FSIP1: variants seen among roughly 807,000 people sequenced by gnomAD.
FSIP1 encodes the protein fibrous sheath-interacting protein 1.
A neutral mutation model predicts 60.9 loss-of-function variants in FSIP1; 65 were observed. The observed-to-expected ratio is 1.07, with a 90% CI of 0.87 to 1.31. The LOEUF (loss-of-function observed/expected upper bound fraction) is 1.31, where lower values mean the gene tolerates loss of function less well. Among genes scored for constraint, FSIP1 ranks in the 40% most tolerant of loss-of-function variants. The pLI is 0.00. For synonymous variants in FSIP1, 209 were observed against 221.2 expected, an observed-to-expected ratio of 0.94 and a Z score of 0.49; for missense variants, 675 against 665.5, an observed-to-expected ratio of 1.01 and a Z score of -0.16.
chr15:39,622,582 G>C (rs1891479018), intron 10 of FSIP1, among the ~76,000 whole-genome samples: 1 of 152,172 alleles, frequency 6.6e-6, no homozygotes, highest in African/African-American at 2.4e-5. Flanking sequence ...CTCTGCTCTA[G>C]GCATAATACA....
In FSIP1 at chr15:39,769,005, C is replaced by T. The variant is rs1397097625; in HGVS notation, c.310+1422G>A. On this transcript the variant is annotated intron_variant, in intron 3 of 11. Coordinates refer to ENST00000350221, the MANE Select transcript of FSIP1 (RefSeq NM_152597.5). ...TTATAAGAAAAGTCTAAGGGCCGGG[C>T]GCGGTGGCTCACGCCTGTAATCCCA... Among the ~76,000 whole-genome samples, 6 of 152,282 alleles carry T rather than the reference C, an allele frequency of 3.9e-5. No individual in the cohort carries two copies. The East Asian group carries it at 7.7e-4, about 20-fold the overall frequency.
chr15:39,688,325 T>C (rs1215407999), intron 10 of FSIP1, among the ~76,000 whole-genome samples: 1 of 152,152 alleles, frequency 6.6e-6, no homozygotes, highest in Non-Finnish European at 1.5e-5. Flanking sequence ...CTACTGAACA[T>C]CATAGTTTAG....
intron 4 of FSIP1, among the ~76,000 whole-genome samples, 179 bp downstream of exon 4, chr15:39,765,413 T>C (rs1489539519): frequency 6.6e-6 from 1 of 151,896 alleles, no homozygotes; most frequent in East Asian, 1.9e-4. Flanking sequence ...GCTAATTTTT[T>C]AGGTTTTTTT....
At chr15:39,734,887 C>T (rs898980507) in intron 8 of FSIP1, among the ~76,000 whole-genome samples, 1 of 152,156 alleles carries the variant, frequency 6.6e-6, no homozygotes, top group East Asian at 1.9e-4. Context: ...CTACATAGTA[C>T]TTGTAAAAGA....
intron 10 of FSIP1, among the ~76,000 whole-genome samples, chr15:39,694,969 T>C (rs1894756956): frequency 6.6e-6 from 1 of 152,210 alleles, no homozygotes; most frequent in Non-Finnish European, 1.5e-5. Context: ...AGCCCATTTA[T>C]CTGCCCATAC....
At chr15:39,723,374 G>A (rs141953726) in intron 9 of FSIP1, among the ~76,000 whole-genome samples, 2,490 of 152,100 alleles carry the variant, frequency 0.016, 58 homozygotes, top group African/African-American at 0.054. Context: ...GACTACAGGC[G>A]CCTGCCACCA....
chr15:39,764,452 A>G (rs548843162), intron 4 of FSIP1, among the ~76,000 whole-genome samples: 13 of 152,306 alleles, frequency 8.5e-5, no homozygotes, highest in African/African-American at 3.1e-4. Flanking sequence ...ATTTTTAATT[A>G]CTACATTTTT....
intron 7 of FSIP1, among the ~76,000 whole-genome samples, chr15:39,738,810 G>A (rs528938093): frequency 1.3e-5 from 2 of 152,292 alleles, no homozygotes; most frequent in African/African-American, 4.8e-5. Context: ...TATGAATGTG[G>A]AGCACAAAAA....
intron 10 of FSIP1, among the ~76,000 whole-genome samples, chr15:39,701,014 T>A (rs932761598): frequency 1.3e-5 from 2 of 152,086 alleles, no homozygotes; most frequent in Non-Finnish European, 2.9e-5. Context: ...TAGCTGGGCA[T>A]GGTGGTGCGT....
intron 10 of FSIP1, among the ~76,000 whole-genome samples, chr15:39,702,167 C>T (rs1400889285): frequency 6.6e-6 from 1 of 151,946 alleles, no homozygotes; most frequent in Non-Finnish European, 1.5e-5. Flanking sequence ...CTAGTGTTTC[C>T]ACTCGGGGTT....
intron 10 of FSIP1, among the ~76,000 whole-genome samples, chr15:39,678,347 T>C (rs1434097562): frequency 6.6e-6 from 1 of 152,118 alleles, no homozygotes; most frequent in Non-Finnish European, 1.5e-5. Flanking sequence ...ATTTGATATT[T>C]AGTCTTATAA....
At chr15:39,721,236 T>A (rs1229500656) in intron 9 of FSIP1, among the ~76,000 whole-genome samples, 1 of 152,224 alleles carries the variant, frequency 6.6e-6, no homozygotes, top group Non-Finnish European at 1.5e-5. Context: ...TCATCTTAAA[T>A]CTATATGCAT....
intron 10 of FSIP1, among the ~76,000 whole-genome samples, chr15:39,628,728 G>A (rs1891748047): frequency 6.6e-6 from 1 of 152,196 alleles, no homozygotes; most frequent in African/African-American, 2.4e-5. Context: ...TTAGCAGGGG[G>A]AGGCTGACAT....
Position 39,704,645 on chromosome 15 carries a change from G to A in FSIP1, c.1188+8799C>T, listed in dbSNP as rs112450690. Among the ~76,000 whole-genome samples the A allele has an allele frequency of 4.4e-3, 674 of 152,222 alleles. 6 individuals carry two copies. Among genetic ancestry groups the A allele is most frequent in the African/African-American group, 0.016 (649 of 41,550 alleles). ...CTTTGGTTTCTAATCCATGGAACTG[G>A]CCCAATGACCTCCAAGCCCCTTTAG... On this transcript the variant is annotated intron_variant, in intron 10 of 11. Transcript: ENST00000350221.
chr15:39,696,791 A>T (rs1004153822), intron 10 of FSIP1, among the ~76,000 whole-genome samples: 2 of 152,078 alleles, frequency 1.3e-5, no homozygotes, highest in African/African-American at 4.8e-5. Flanking sequence ...GTTTGTAAAA[A>T]GACAAAAAAA....
intron 10 of FSIP1, among the ~76,000 whole-genome samples, chr15:39,635,283 T>G (rs1161867795): frequency 1.3e-5 from 2 of 151,172 alleles, no homozygotes; most frequent in African/African-American, 4.9e-5. Flanking sequence ...TGCAGTGAGC[T>G]GAGATCATGC....
chr15:39,722,005 G>T (rs1236823450), intron 9 of FSIP1, among the ~76,000 whole-genome samples: 3 of 152,136 alleles, frequency 2.0e-5, no homozygotes, highest in Non-Finnish European at 2.9e-5. Context: ...CTGGTAGATG[G>T]CTTGTTAGGA....
chr15:39,745,032 C>T (rs1280181989), intron 5 of FSIP1, among the ~76,000 whole-genome samples: 1 of 151,902 alleles, frequency 6.6e-6, no homozygotes, highest in Non-Finnish European at 1.5e-5. Context: ...CCCATATCCA[C>T]AGACCAAGCA....
intron 10 of FSIP1, among the ~76,000 whole-genome samples, chr15:39,638,953 C>T (rs1172107562): frequency 6.6e-6 from 1 of 151,872 alleles, no homozygotes; most frequent in Non-Finnish European, 1.5e-5. Context: ...AAAGCTAATA[C>T]TTATTTAAGA....
Sources: allele counts gnomAD v4.1 joint callset (sites outside exome capture counted in the v4.1 genomes callset), GRCh38; gene constraint gnomAD v4.1.1; transcripts MANE v1.5; gene names NCBI Gene and HGNC (gene_info 2026-07-23, HGNC 2026-07-21).